Variants in PPP1R12A observed in about 807,000 individuals in gnomAD.
PPP1R12A encodes the protein protein phosphatase 1 regulatory subunit 12A, also known as myosin binding subunit.
In PPP1R12A, 19 loss-of-function variants were observed where a neutral mutation model predicts 139.6. That is an observed-to-expected ratio of 0.14 (90% CI 0.09 to 0.20). The LOEUF (loss-of-function observed/expected upper bound fraction) is 0.20, where lower values mean the gene tolerates loss of function less well. Among genes scored for constraint, PPP1R12A ranks in the 10% least tolerant of loss-of-function variants. PPP1R12A has a pLI of 1.00. For missense variants in PPP1R12A, 925 were observed against 1,211.5 expected, an observed-to-expected ratio of 0.76 and a Z score of 3.51; for synonymous variants, 427 against 420.6, an observed-to-expected ratio of 1.02 and a Z score of -0.19.
intron 1 of PPP1R12A, among the ~76,000 whole-genome samples, chr12:79,932,542 C>T (rs1888330855): frequency 6.6e-6 from 1 of 152,082 alleles, no homozygotes; most frequent in African/African-American, 2.4e-5. Context: ...TCGGGTCAAA[C>T]CCACACTCAC....
At chr12:79,783,990 CT>C (rs1870795772) in intron 22 of PPP1R12A, among the ~76,000 whole-genome samples, 1 of 152,006 alleles carries the variant, frequency 6.6e-6, no homozygotes, top group Admixed American at 6.6e-5. Context: ...AGGAGGGTAC[CT>C]GGGCTAGGGC....
At chr12:79,926,315 A>G (rs1887838244) in intron 1 of PPP1R12A, among the ~76,000 whole-genome samples, 1 of 152,106 alleles carries the variant, frequency 6.6e-6, no homozygotes, top group Non-Finnish European at 1.5e-5. Context: ...CCTCCTGAGT[A>G]GCTGGGATTA....
At chr12:79,914,662 C>G (rs570509693) in intron 1 of PPP1R12A, among the ~76,000 whole-genome samples, 4 of 152,042 alleles carry the variant, frequency 2.6e-5, no homozygotes, top group African/African-American at 9.6e-5. Flanking sequence ...GGGTTCAGCC[C>G]CATCAGCCAC....
chr12:79,841,188 C>G (rs1400394178), intron 3 of PPP1R12A, among the ~76,000 whole-genome samples: 1 of 152,060 alleles, frequency 6.6e-6, no homozygotes, highest in Non-Finnish European at 1.5e-5. Context: ...CTCAGCCCCC[C>G]AAAGCAATGG....
At chr12:79,890,871 CAAG>C (rs1260747309) in intron 1 of PPP1R12A, among the ~76,000 whole-genome samples, 1 of 149,706 alleles carries the variant, frequency 6.7e-6, no homozygotes, top group Non-Finnish European at 1.5e-5. Flanking sequence ...TCAGAAACCT[CAAG>C]AATACACACA....
intron 1 of PPP1R12A, among the ~76,000 whole-genome samples, chr12:79,897,801 TC>T (rs1033074027): frequency 1.1e-4 from 17 of 152,208 alleles, no homozygotes; most frequent in African/African-American, 3.6e-4. Flanking sequence ...ACTCTTCCAG[TC>T]TACCACCATT....
intron 24 of PPP1R12A, 21 bp downstream of exon 24, chr12:79,778,529 T>C: frequency 1.4e-6 from 2 of 1,469,550 alleles, no homozygotes; most frequent in African/African-American, 1.4e-5. Context: ...CTCTCTCTCA[T>C]AAGTAACATA....
At chr12:79,785,759 G>C (rs545988256) in intron 22 of PPP1R12A, among the ~76,000 whole-genome samples, 1 of 150,766 alleles carries the variant, frequency 6.6e-6, no homozygotes, top group African/African-American at 2.4e-5. Context: ...TTTGTTTTTT[G>C]AAAGGAGGGA....
At chr12:79,845,995 G>T (rs1041684385) in intron 2 of PPP1R12A, among the ~76,000 whole-genome samples, 10 of 48,260 alleles carry the variant, frequency 2.1e-4, no homozygotes, top group African/African-American at 4.9e-4. Flanking sequence ...TGGTCTCTGC[G>T]CTCCCAATCT....
At chr12:79,827,437 A>AT in intron 5 of PPP1R12A, among the ~76,000 whole-genome samples, 1 of 152,110 alleles carries the variant, frequency 6.6e-6, no homozygotes, top group East Asian at 1.9e-4. Context: ...TACATAACCT[A>AT]TGATATTATC....
At chr12:79,837,051 T>C (rs1448293024) in intron 3 of PPP1R12A, among the ~76,000 whole-genome samples, 1 of 152,220 alleles carries the variant, frequency 6.6e-6, no homozygotes, top group Non-Finnish European at 1.5e-5. Context: ...TTAATTATCA[T>C]TATCAGTTTG....
chr12:79,831,459 TGTA>T (rs762472470), intron 4 of PPP1R12A, among the ~76,000 whole-genome samples: 1 of 152,086 alleles, frequency 6.6e-6, no homozygotes, highest in Non-Finnish European at 1.5e-5. Flanking sequence ...GGCACATGCT[TGTA>T]GTCCCAGCTA....
chr12:79,855,853 A>G (rs1880590564), intron 2 of PPP1R12A, among the ~76,000 whole-genome samples: 2 of 152,130 alleles, frequency 1.3e-5, no homozygotes, highest in Admixed American at 6.5e-5. Flanking sequence ...AGGTTTATGC[A>G]TAAGGACCTG....
Position 79,872,808 on chromosome 12 carries a change from T to G in PPP1R12A, c.368A>C (p.Glu123Ala), listed in dbSNP as rs1322683170. 1.2e-6 allele frequency: 2 copies of G among 1,613,410 alleles called. No homozygotes were observed. The highest frequency in any genetic ancestry group is 1.7e-6 in the Non-Finnish European group (2 of 1,179,588). The change falls in exon 2 of 25, where the codon GAG becomes GCG. Residue 123 changes from glutamate to alanine, a missense_variant and splice_region_variant. Physicochemically the swap from Glu to Ala is moderately radical, Grantham distance 107. This residue lies in a region of PPP1R12A where 199 missense variants were observed against 352.4 expected (regional missense o/e 0.56). Transcript: ENST00000450142. Reference protein sequence around the residue: ...AASCGYLDIAEFLIGQGAHVG... With the variant: ...AASCGYLDIAAFLIGQGAHVG... ...AAATGAAAACACAGAACTGGCTTAC[T>G]CTGCAATATCAAGATATCCACAGGA...
In PPP1R12A at chr12:79,817,394, C is replaced by T. The variant is rs1315836996; in HGVS notation, c.1239G>A (p.Lys413=). ...TTCAGCAAATACAATTTTGGCTTACCTTTTTAATAGGTGATGTAGGTGTTG... is the reference window on the plus strand; with the variant it reads ...TTCAGCAAATACAATTTTGGCTTACTTTTTTAATAGGTGATGTAGGTGTTG... The part of the protein sequence containing the change: ...GQATPTSPIK[K]FPTTATKISP... The change falls in exon 9 of 25, where the codon AAG becomes AAA. Residue 413 remains lysine (K), a splice_region_variant and synonymous_variant. Transcript: ENST00000450142. The T allele has an allele frequency of 6.2e-7, 1 of 1,609,644 alleles. No individual in the cohort carries two copies. The highest frequency in any genetic ancestry group is 8.5e-7 in the Non-Finnish European group (1 of 1,177,688).
intron 4 of PPP1R12A, among the ~76,000 whole-genome samples, chr12:79,830,103 TAAA>T (rs767888100): frequency 6.9e-6 from 1 of 145,582 alleles, no homozygotes; most frequent in Non-Finnish European, 1.5e-5. Flanking sequence ...TTCACAAAGT[TAAA>T]AAAAAAAAGA....
At chr12:79,865,698 T>C (rs1017292941) in intron 2 of PPP1R12A, among the ~76,000 whole-genome samples, 1 of 152,188 alleles carries the variant, frequency 6.6e-6, no homozygotes, top group Admixed American at 6.5e-5. Flanking sequence ...AGCCAGATCA[T>C]GAGTGAACTC....
intron 9 of PPP1R12A, among the ~76,000 whole-genome samples, chr12:79,813,190 C>G (rs1874828699): frequency 6.6e-6 from 1 of 152,098 alleles, no homozygotes; most frequent in Non-Finnish European, 1.5e-5. Context: ...ATATATGCAC[C>G]CTATAAATCA....
Position 79,786,267 on chromosome 12 carries a change from A to G in PPP1R12A, c.2907+107T>C. On this transcript the variant is annotated intron_variant, in intron 22 of 24. Transcript: ENST00000450142. ...TAAACAGCATTATCTTCTATTACCA[A>G]TTATCAAACTTCTATTTAGAGTATT... 3 of 641,504 alleles carry G rather than the reference A, an allele frequency of 4.7e-6. No homozygotes were observed. In the South Asian group the frequency reaches 6.2e-5, roughly 13 times the overall value. 39.7% of individuals were successfully genotyped at this position (641,504 alleles called of 1,614,324 possible).
Sources: allele counts gnomAD v4.1 joint callset (sites outside exome capture counted in the v4.1 genomes callset), GRCh38; gene constraint gnomAD v4.1.1; regional missense constraint gnomAD v4.1.1; transcripts MANE v1.5; gene names NCBI Gene and HGNC (gene_info 2026-07-23, HGNC 2026-07-21).